SAMSN1: variants seen among roughly 807,000 people sequenced by gnomAD.
SAMSN1 encodes SAM domain, SH3 domain and nuclear localization signals 1.
A neutral mutation model predicts 42.0 loss-of-function variants in SAMSN1; 31 were observed. That is an observed-to-expected ratio of 0.74 (90% CI 0.55 to 1.00). The LOEUF (loss-of-function observed/expected upper bound fraction) is 1.00, where lower values mean the gene tolerates loss of function less well. Among genes scored for constraint, SAMSN1 ranks in the 50% least tolerant of loss-of-function variants. SAMSN1 has a pLI of 0.00. For synonymous variants in SAMSN1, 178 were observed against 151.9 expected, an observed-to-expected ratio of 1.17 and a Z score of -1.26; for missense variants, 464 against 439.4, an observed-to-expected ratio of 1.06 and a Z score of -0.50.
At chr21:14,638,813 T>C (rs1016153054) in intron 2 of SAMSN1, among the ~76,000 whole-genome samples, 4 of 152,208 alleles carry the variant, frequency 2.6e-5, no homozygotes, top group African/African-American at 9.7e-5. Flanking sequence ...TTGAAGCAAC[T>C]TTCCAAGGTC....
intron 2 of SAMSN1, among the ~76,000 whole-genome samples, chr21:14,580,815 G>T (rs893592207): frequency 2.0e-5 from 3 of 152,166 alleles, no homozygotes; most frequent in Non-Finnish European, 4.4e-5. Flanking sequence ...AGAAGAGACT[G>T]ATTCTTTGAG....
chr21:14,635,756 A>G (rs1439930013), intron 2 of SAMSN1, among the ~76,000 whole-genome samples: 1 of 143,868 alleles, frequency 7.0e-6, no homozygotes, highest in African/African-American at 2.5e-5. Context: ...ATTAACATGC[A>G]CCATGCCAGG....
At chr21:14,570,809 C>G (rs141234855) in intron 2 of SAMSN1, among the ~76,000 whole-genome samples, 37 of 152,220 alleles carry the variant, frequency 2.4e-4, no homozygotes, top group African/African-American at 8.4e-4. Flanking sequence ...GCCTCATATC[C>G]TCAACAAATC....
At chr21:14,522,238 T>C (rs1978540733) in intron 1 of SAMSN1, among the ~76,000 whole-genome samples, 2 of 152,226 alleles carry the variant, frequency 1.3e-5, no homozygotes, top group South Asian at 4.1e-4. Context: ...ATTTCTGATA[T>C]GCAACAAAAT....
intron 1 of SAMSN1, among the ~76,000 whole-genome samples, chr21:14,543,128 G>A (rs974642746): frequency 2.0e-5 from 3 of 152,126 alleles, no homozygotes; most frequent in African/African-American, 7.2e-5. Context: ...AAAGCCCTTA[G>A]AAGTTATTAA....
At chr21:14,648,151 A>G (rs1350331703) in intron 1 of SAMSN1, among the ~76,000 whole-genome samples, 4 of 151,804 alleles carry the variant, frequency 2.6e-5, no homozygotes, top group South Asian at 2.1e-4. Context: ...ATTATTTTGA[A>G]ATACATCCCA....
chr21:14,576,934 A>C (rs1228239671), intron 2 of SAMSN1, among the ~76,000 whole-genome samples: 3 of 150,140 alleles, frequency 2.0e-5, no homozygotes, highest in Non-Finnish European at 4.4e-5. Flanking sequence ...ATCTTTTGTT[A>C]CTGTCACTTT....
intron 1 of SAMSN1, among the ~76,000 whole-genome samples, chr21:14,535,504 C>T (rs1979549194): frequency 6.6e-6 from 1 of 152,134 alleles, no homozygotes; most frequent in Non-Finnish European, 1.5e-5. Context: ...AGTACAAGCT[C>T]ATGGACTATG....
chr21:14,501,483 T>C (rs1204432604), intron 5 of SAMSN1, among the ~76,000 whole-genome samples: 1 of 152,206 alleles, frequency 6.6e-6, no homozygotes, highest in Admixed American at 6.5e-5. Flanking sequence ...TAACCAAAAA[T>C]TGATGCTCTT....
intron 1 of SAMSN1, among the ~76,000 whole-genome samples, chr21:14,522,779 A>T (rs1367721900): frequency 6.6e-6 from 1 of 152,232 alleles, no homozygotes; most frequent in East Asian, 1.9e-4. Context: ...AATTAACATA[A>T]TTATTTTCCC....
chr21:14,570,708 G>A (rs1981272238), intron 2 of SAMSN1, among the ~76,000 whole-genome samples: 1 of 152,112 alleles, frequency 6.6e-6, no homozygotes, highest in Non-Finnish European at 1.5e-5. Context: ...TACCACCATA[G>A]TTCACGCCAC....
At chr21:14,532,557 G>T (rs1207128400) in intron 1 of SAMSN1, among the ~76,000 whole-genome samples, 1 of 152,144 alleles carries the variant, frequency 6.6e-6, no homozygotes, top group Admixed American at 6.5e-5. Context: ...TCCTGAGGGG[G>T]TTAATAGCAG....
At chr21:14,581,059 T>TA (rs1210624082) in intron 2 of SAMSN1, among the ~76,000 whole-genome samples, 1 of 152,048 alleles carries the variant, frequency 6.6e-6, no homozygotes, top group Non-Finnish European at 1.5e-5. Context: ...AAGGTTTAAA[T>TA]AACTTATCCA....
At chr21:14,626,010 C>G (rs771008302) in intron 2 of SAMSN1, among the ~76,000 whole-genome samples, 14 of 152,082 alleles carry the variant, frequency 9.2e-5, no homozygotes, top group African/African-American at 1.4e-4. Flanking sequence ...ACAAACCTGA[C>G]AAAAACAAGC....
At chr21:14,516,817 C>G (rs544376061) in intron 3 of SAMSN1, 75 bp downstream of exon 3, 2 of 1,222,906 alleles carry the variant, frequency 1.6e-6, no homozygotes, top group Non-Finnish European at 2.3e-6. Flanking sequence ...AAGTACCAAG[C>G]ACTTCTATAG....
intron 2 of SAMSN1, among the ~76,000 whole-genome samples, chr21:14,639,246 A>G (rs932252503): frequency 1.3e-5 from 2 of 152,222 alleles, no homozygotes; most frequent in African/African-American, 2.4e-5. Context: ...TTGCTGTAAC[A>G]GAATACCTGA....
chr21:14,546,454 T>A, upstream of SAMSN1: 1 of 819,882 alleles, frequency 1.2e-6, no homozygotes, highest in South Asian at 2.5e-5. Context: ...AATTCTTTGG[T>A]AACTCTTTAT....
intron 2 of SAMSN1, among the ~76,000 whole-genome samples, chr21:14,623,206 AT>A (rs1206928878): frequency 6.6e-6 from 1 of 152,248 alleles, no homozygotes; most frequent in Non-Finnish European, 1.5e-5. Flanking sequence ...AAGAAACTGC[AT>A]CAACTAACGA....
At chr21:14,523,854 C>T (rs1355503824) in intron 1 of SAMSN1, among the ~76,000 whole-genome samples, 2 of 152,076 alleles carry the variant, frequency 1.3e-5, no homozygotes, top group Non-Finnish European at 2.9e-5. Context: ...AATTAATTCT[C>T]CCCTCATTAT....
Sources: allele counts gnomAD v4.1 joint callset (sites outside exome capture counted in the v4.1 genomes callset), GRCh38; gene constraint gnomAD v4.1.1; transcripts MANE v1.5; gene names NCBI Gene and HGNC (gene_info 2026-07-23, HGNC 2026-07-21).